AGPAT2: variants seen among roughly 807,000 people sequenced by gnomAD.
AGPAT2 encodes 1-acyl-sn-glycerol-3-phosphate acyltransferase beta.
In AGPAT2, 18 loss-of-function variants were observed where a neutral mutation model predicts 26.1. The observed-to-expected ratio is 0.69, with a 90% CI of 0.48 to 1.02. The LOEUF is 1.02. Among genes scored for constraint, AGPAT2 ranks in the 50% least tolerant of loss-of-function variants. The pLI is 0.00. For synonymous variants in AGPAT2, 200 were observed against 174.2 expected (o/e 1.15, Z -1.16); for missense variants, 415 against 394.9 (o/e 1.05, Z -0.43).
At chr9:136,682,998 C>T (rs1485611565) in intron 1 of AGPAT2, among the ~76,000 whole-genome samples, 3 of 150,762 alleles carry the variant, frequency 2.0e-5, no homozygotes, top group African/African-American at 7.3e-5. Context: ...GAGGCGGAGA[C>T]ACCCGGGGCA....
intron 1 of AGPAT2, among the ~76,000 whole-genome samples, chr9:136,684,314 T>C (rs1446088795): frequency 6.6e-6 from 1 of 152,156 alleles, no homozygotes; most frequent in African/African-American, 2.4e-5. Context: ...CTTTCCTCTG[T>C]CGAATGGATG....
At position 136,687,397 on chromosome 9, in the gene AGPAT2, C is replaced by T. The variant is rs935556063; in HGVS notation, c.-40G>A. On this transcript the variant is annotated 5_prime_UTR_variant, in exon 1 of 6. Coordinates refer to ENST00000371696, the MANE Select transcript of AGPAT2 (RefSeq NM_006412.4). Reference sequence around the variant, plus strand: ...CCCGACGGCGCCGCCAGCTCGCTCCCGCTCCCGCTCCCGCTTCTCCCCCGC... The same window carrying T: ...CCCGACGGCGCCGCCAGCTCGCTCCTGCTCCCGCTCCCGCTTCTCCCCCGC... 17 of 1,393,562 alleles carry T rather than the reference C, an allele frequency of 1.2e-5. No individual in the cohort carries two copies. The highest frequency in any genetic ancestry group is 1.5e-5 in the African/African-American group (1 of 65,498). The allele number at this position is 1,393,562 out of a possible 1,614,324, so 86.3% of individuals were successfully genotyped here. A position where few individuals can be genotyped will look rare whatever the true frequency, so the allele number is the denominator to read the frequency against.
chr9:136,674,592 G>T, intron 5 of AGPAT2, 143 bp downstream of exon 5: 1 of 526,430 alleles, frequency 1.9e-6, no homozygotes, highest in Non-Finnish European at 3.1e-6. Context: ...TGGGACTCCA[G>T]CCTGAGTCAC....
At chr9:136,674,668 G>A in intron 5 of AGPAT2, 67 bp downstream of exon 5, 1 of 1,220,550 alleles carries the variant, frequency 8.2e-7, no homozygotes, top group Non-Finnish European at 1.1e-6. Context: ...AACGATGAGG[G>A]GCCCGGGGCT....
chr9:136,685,970 G>A (rs1351889293), intron 1 of AGPAT2, among the ~76,000 whole-genome samples: 1 of 152,244 alleles, frequency 6.6e-6, no homozygotes, highest in African/African-American at 2.4e-5. Flanking sequence ...CAGCCCTGGA[G>A]TGTGCGCTCC....
At position 136,673,783 on chromosome 9, in the gene AGPAT2, G is replaced by A. The variant is rs1387024488; in HGVS notation, c.806C>T (p.Thr269Ile). 1 of 1,603,436 alleles carries A rather than the reference G, an allele frequency of 6.2e-7. No individual in the cohort carries two copies. The highest frequency in any genetic ancestry group is 1.7e-5 in the Admixed American group (1 of 58,990). The change falls in exon 6 of 6, where the codon ACT becomes ATT. Residue 269 changes from threonine to isoleucine, a missense_variant. Thr to Ile is a moderately conservative substitution (Grantham distance 89). Coordinates refer to ENST00000371696, the MANE Select transcript of AGPAT2 (RefSeq NM_006412.4). The stretch of plus-strand genomic sequence containing the variant: ...GGCCGGCTGCACGCCAGACCCCGCA[G>A]TGGCCCCGTTCTCCTGGGGGGTCTT... The part of the protein sequence containing the change: ...ISKTPQENGA[T>I]AGSGVQPAQ
At chr9:136,679,676 C>T (rs888766070) in intron 1 of AGPAT2, among the ~76,000 whole-genome samples, 1 of 152,236 alleles carries the variant, frequency 6.6e-6, no homozygotes, top group Admixed American at 6.5e-5. Flanking sequence ...GCTAGCAAGA[C>T]GGCCGTGTCG....
rs151215253 is a variant in AGPAT2 at position 136,673,803 on chromosome 9, G to A, written c.786C>T (p.Thr262=). 1.0e-5 allele frequency: 16 copies of A among 1,606,082 alleles called. No homozygotes were observed. The highest frequency in any genetic ancestry group is 4.5e-4 in the Middle Eastern group (2 of 4,494). ...MRTTFLHISK[T]PQENGATAGS... Reference sequence around the variant, plus strand: ...CCGCAGTGGCCCCGTTCTCCTGGGGGGTCTTGGAGATGTGGAGGAAGGTGG... The same window carrying A: ...CCGCAGTGGCCCCGTTCTCCTGGGGAGTCTTGGAGATGTGGAGGAAGGTGG... The change falls in exon 6 of 6, where the codon ACC becomes ACT. Residue 262 remains threonine, a synonymous_variant. Transcript: ENST00000371696.
chr9:136,682,987 T>A (rs1008034376), intron 1 of AGPAT2, among the ~76,000 whole-genome samples: 1 of 137,828 alleles, frequency 7.3e-6, no homozygotes, highest in African/African-American at 2.7e-5. Context: ...TTACATTCTA[T>A]GAGGCGGAGA....
At chr9:136,686,054 C>T (rs1046133211) in intron 1 of AGPAT2, among the ~76,000 whole-genome samples, 9 of 152,214 alleles carry the variant, frequency 5.9e-5, no homozygotes, top group African/African-American at 2.2e-4. Context: ...GCCAGCAGGC[C>T]CTTCTCGGAC....
At chr9:136,676,491 C>A (rs1162768066) in intron 4 of AGPAT2, 94 bp downstream of exon 4, 7 of 985,542 alleles carry the variant, frequency 7.1e-6, no homozygotes, top group African/African-American at 1.6e-5. Flanking sequence ...TGTCAAGGGT[C>A]CTCAGCTCGG....
intron 1 of AGPAT2, among the ~76,000 whole-genome samples, chr9:136,682,775 C>G (rs1015298931): frequency 6.6e-6 from 1 of 152,130 alleles, no homozygotes; most frequent in African/African-American, 2.4e-5. Flanking sequence ...TGGCCTCGAG[C>G]GAAGCCCCGT....
chr9:136,687,307 C>T lies in AGPAT2; in HGVS notation c.51G>A (p.Leu17=), dbSNP rs781186709. The change falls in exon 1 of 6, where the codon CTG becomes CTA. Residue 17 remains leucine, a synonymous_variant. Coordinates refer to ENST00000371696, the MANE Select transcript of AGPAT2 (RefSeq NM_006412.4). ...ACTCGGCCGCGCGGCTCAGCTGCACCAGCAGCAGCAGCAACAGCAGCGCCG... is the reference window on the plus strand; with the variant it reads ...ACTCGGCCGCGCGGCTCAGCTGCACTAGCAGCAGCAGCAACAGCAGCGCCG... ...LAAALLLLLL[L]VQLSRAAEFY... The T allele has an allele frequency of 9.8e-6, 15 of 1,536,778 alleles. No individual in the cohort carries two copies. The Admixed American group carries it at 2.6e-4, about 27-fold the overall frequency.
intron 1 of AGPAT2, among the ~76,000 whole-genome samples, chr9:136,684,448 G>A (rs1446144255): frequency 3.9e-5 from 6 of 152,204 alleles, no homozygotes; most frequent in South Asian, 2.1e-4. Flanking sequence ...CCCCAAGCCC[G>A]GTGGGAACGA....
At chr9:136,685,176 T>TG (rs1183816102) in intron 1 of AGPAT2, among the ~76,000 whole-genome samples, 1 of 152,230 alleles carries the variant, frequency 6.6e-6, no homozygotes, top group Non-Finnish European at 1.5e-5. Context: ...ACAAAGCACC[T>TG]GCTGTTAGTA....
intron 1 of AGPAT2, among the ~76,000 whole-genome samples, chr9:136,686,170 C>A (rs1351986481): frequency 4.6e-5 from 7 of 152,252 alleles, no homozygotes; most frequent in African/African-American, 1.7e-4. Flanking sequence ...CCTCAGTGCC[C>A]TCCCAGGGCT....
At chr9:136,681,609 C>T (rs983483655) in intron 1 of AGPAT2, among the ~76,000 whole-genome samples, 3 of 152,156 alleles carry the variant, frequency 2.0e-5, no homozygotes, top group African/African-American at 7.2e-5. Context: ...CAAGACCAGC[C>T]TGGCCACCAT....
Position 136,673,893 on chromosome 9 carries a change from G to A in AGPAT2, c.696C>T (p.Pro232=). The part of the protein sequence containing the change: ...TVTVQVLEAI[P]TSGLTAADVP... The stretch of plus-strand genomic sequence containing the variant: ...CGTCCGCCGCAGTGAGGCCGCTGGT[G>A]GGGATGGCTTCCAGCACCTGCACTG... The change falls in exon 6 of 6, where the codon CCC becomes CCT. Residue 232 remains proline, a synonymous_variant. Transcript: ENST00000371696. 1 of 1,598,470 alleles carries A rather than the reference G, an allele frequency of 6.3e-7. No homozygotes were observed. The highest frequency in any genetic ancestry group is 2.2e-4 in the Middle Eastern group (1 of 4,640).
intron 1 of AGPAT2, among the ~76,000 whole-genome samples, chr9:136,683,646 G>C (rs1846188888): frequency 6.6e-6 from 1 of 152,248 alleles, no homozygotes; most frequent in African/African-American, 2.4e-5. Context: ...GGGTCCCCGT[G>C]ACTCCTCAAA....
Sources: allele counts gnomAD v4.1 joint callset (sites outside exome capture counted in the v4.1 genomes callset), GRCh38; gene constraint gnomAD v4.1.1; transcripts MANE v1.5; gene names NCBI Gene and HGNC (gene_info 2026-07-23, HGNC 2026-07-21).